The following RYR2 variants were observed in gnomAD, a reference collection of about 807,000 sequenced individuals.
RYR2 encodes the protein cardiac muscle ryanodine receptor-calcium release channel.
A neutral mutation model predicts 601.1 loss-of-function variants in RYR2; 227 were observed. The ratio of observed to expected loss-of-function variants is 0.38; its 90% CI spans 0.34 to 0.42. RYR2 has a LOEUF of 0.42. Among genes scored for constraint, RYR2 ranks in the 10% least tolerant of loss-of-function variants. The pLI is 1.00. For missense variants in RYR2, 4,646 were observed against 6,156.5 expected (o/e 0.75, Z 8.21); for synonymous variants, 2,223 against 2,175.1 (o/e 1.02, Z -0.61).
intron 1 of RYR2, among the ~76,000 whole-genome samples, chr1:237,058,638 G>A (rs1371398093): frequency 1.3e-5 from 2 of 152,104 alleles, no homozygotes; most frequent in East Asian, 1.9e-4. Flanking sequence ...CCTTGGAGGC[G>A]GGGCGTGGTG....
chr1:237,380,713 G>C (rs1419603575), intron 8 of RYR2, among the ~76,000 whole-genome samples: 1 of 151,660 alleles, frequency 6.6e-6, no homozygotes, highest in Non-Finnish European at 1.5e-5. Flanking sequence ...AGGCCAAGGC[G>C]GGAGGATCAC....
intron 3 of RYR2, chr1:237,352,880 A>C (rs56136834): frequency 0.059 from 30,405 of 514,094 alleles, 1,066 homozygotes; most frequent in Non-Finnish European, 0.073. Context: ...GTGGGTGAGG[A>C]GACAACTCTT....
chr1:237,176,091 G>A (rs566832401), intron 1 of RYR2, among the ~76,000 whole-genome samples: 27 of 151,890 alleles, frequency 1.8e-4, no homozygotes, highest in African/African-American at 6.3e-4. Flanking sequence ...AGCCAGGCAC[G>A]GTGGTGTGTA....
At chr1:237,232,625 G>A (rs192126028) in intron 1 of RYR2, among the ~76,000 whole-genome samples, 4 of 152,216 alleles carry the variant, frequency 2.6e-5, no homozygotes, top group East Asian at 1.9e-4. Flanking sequence ...CCAGATCCTC[G>A]CAACTTGAAG....
intron 63 of RYR2, among the ~76,000 whole-genome samples, chr1:237,696,264 C>G (rs1161143918): frequency 6.6e-6 from 1 of 152,136 alleles, no homozygotes; most frequent in Non-Finnish European, 1.5e-5. Context: ...AAATGAAGGA[C>G]CTGCCTCTCT....
intron 1 of RYR2, among the ~76,000 whole-genome samples, chr1:237,268,361 A>G (rs1216969024): frequency 6.6e-6 from 1 of 152,204 alleles, no homozygotes; most frequent in African/African-American, 2.4e-5. Context: ...ATTACACCAC[A>G]ATATAGCTTT....
chr1:237,208,376 T>G (rs1193654480), intron 1 of RYR2, among the ~76,000 whole-genome samples: 2 of 152,196 alleles, frequency 1.3e-5, no homozygotes, highest in African/African-American at 2.4e-5. Flanking sequence ...TTTCCTCTGC[T>G]GAAGCATTCT....
chr1:237,658,604 GCTGGTCTC>G (rs1683472346), intron 54 of RYR2, among the ~76,000 whole-genome samples: 1 of 152,090 alleles, frequency 6.6e-6, no homozygotes, highest in Non-Finnish European at 1.5e-5. Context: ...TGTTGCCCAG[GCTGGTCTC>G]CAACTGTTGT....
chr1:237,264,228 C>A (rs1174991763), intron 1 of RYR2, among the ~76,000 whole-genome samples: 1 of 152,146 alleles, frequency 6.6e-6, no homozygotes, highest in Non-Finnish European at 1.5e-5. Flanking sequence ...CTTTCTCTGT[C>A]TCCTGCTTTC....
At chr1:237,791,552 A>G in intron 93 of RYR2, 37 bp downstream of exon 93, 1 of 1,016,582 alleles carries the variant, frequency 9.8e-7, no homozygotes, top group Non-Finnish European at 1.5e-6. Context: ...CTGGTATAAA[A>G]CTCCAAATAG....
chr1:237,726,835 A>G (rs927854673), intron 75 of RYR2, among the ~76,000 whole-genome samples: 6 of 152,080 alleles, frequency 3.9e-5, no homozygotes, highest in African/African-American at 1.4e-4. Context: ...TATTGGGAAA[A>G]TGTGATATTC....
chr1:237,599,988 G>A (rs1403559089), intron 34 of RYR2, among the ~76,000 whole-genome samples: 1 of 152,020 alleles, frequency 6.6e-6, no homozygotes, highest in Non-Finnish European at 1.5e-5. Context: ...TTATTAAAAT[G>A]TCCATAGTAC....
intron 75 of RYR2, 136 bp downstream of exon 75, chr1:237,726,444 T>C: frequency 1.5e-6 from 1 of 646,846 alleles, no homozygotes. Flanking sequence ...ATAACTTGCT[T>C]GCATCATTTA....
At chr1:237,084,150 C>T (rs1666047180) in intron 1 of RYR2, among the ~76,000 whole-genome samples, 1 of 152,178 alleles carries the variant, frequency 6.6e-6, no homozygotes, top group South Asian at 2.1e-4. Context: ...TTCACAACCA[C>T]AACAGGAGCT....
intron 80 of RYR2, chr1:237,743,753 G>T: frequency 2.4e-6 from 1 of 416,418 alleles, no homozygotes. Context: ...CTACAAGTTT[G>T]TAGCTCCAAT....
At chr1:237,107,091 G>A (rs189302878) in intron 1 of RYR2, among the ~76,000 whole-genome samples, 20 of 152,112 alleles carry the variant, frequency 1.3e-4, no homozygotes, top group Admixed American at 2.6e-4. Context: ...GGCTAAAGAA[G>A]GATGAACCAA....
Position 237,827,936 on chromosome 1 carries a change from CAAAAAAAAAAAAA to C in RYR2, c.14591-427_14591-415del, listed in dbSNP as rs58421624. ...TGGGTGACAGAATGAGACTCCGTCT[CAAAAAAAAAAAAA>C]AAAAAAAAAAAAAAAAAGACTTGAG... is the stretch of plus-strand genomic sequence containing the variant. On this transcript the variant is annotated intron_variant, in intron 101 of 104. Transcript: ENST00000366574. 5.0e-3 allele frequency among the ~76,000 whole-genome samples: 350 copies of C among 69,348 alleles called. 1 individual carries two copies. The highest frequency in any genetic ancestry group is 0.01 in the African/African-American group (243 of 23,474). The allele number at this position is 69,348 out of a possible 152,430, so 45.5% of individuals were successfully genotyped here. A position where few individuals can be genotyped will look rare whatever the true frequency, so the allele number is the denominator to read the frequency against.
rs1694303863 is a variant in RYR2, at chr1:237,771,937, T to C, written c.11558-75T>C. ...CAATGATTTTGCCATAGAAAGCATT[T>C]GCCTTTGGAGTTCTTAGAATGACTC... On this transcript the variant is annotated intron_variant, in intron 85 of 104. Transcript: ENST00000366574. 7 of 794,468 alleles carry C rather than the reference T, an allele frequency of 8.8e-6. No homozygotes were observed. In the South Asian group the frequency reaches 1.1e-4, roughly 12 times the overall value. The allele number at this position is 794,468 out of a possible 1,614,324, so 49.2% of individuals were successfully genotyped here. A position where few individuals can be genotyped will look rare whatever the true frequency, so the allele number is the denominator to read the frequency against.
At chr1:237,339,939 A>T (rs1344895027) in intron 3 of RYR2, among the ~76,000 whole-genome samples, 20 of 152,332 alleles carry the variant, frequency 1.3e-4, no homozygotes. Context: ...CGCAAGAGAA[A>T]ATGGGGCCAG....
Sources: gnomAD v4.1 joint callset for allele counts (sites outside exome capture counted in the v4.1 genomes callset) on GRCh38, gnomAD v4.1.1 for gene constraint, MANE v1.5 for transcripts, NCBI Gene and HGNC (gene_info 2026-07-23, HGNC 2026-07-21) for gene names.